The following SLC25A26 variants were observed in gnomAD, a reference collection of about 807,000 sequenced individuals.
SLC25A26 encodes solute carrier family 25 member 26.
In SLC25A26, 36 loss-of-function variants were observed where a neutral mutation model predicts 37.8. That is an observed-to-expected ratio of 0.95 (90% CI 0.73 to 1.26). SLC25A26 has a LOEUF of 1.26. Among genes scored for constraint, SLC25A26 ranks in the 50% most tolerant of loss-of-function variants. The pLI, the probability that SLC25A26 is intolerant of heterozygous loss-of-function variation, is 0.00. For missense variants in SLC25A26, 390 were observed against 331.1 expected (o/e 1.18, Z -1.38); for synonymous variants, 129 against 122.5 (o/e 1.05, Z -0.35).
intron 1 of SLC25A26, among the ~76,000 whole-genome samples, chr3:66,177,298 G>C (rs2070604529): frequency 6.6e-6 from 1 of 152,228 alleles, no homozygotes; most frequent in Non-Finnish European, 1.5e-5. Context: ...TATCATGTAA[G>C]TTTAAGCAAT....
chr3:66,143,569 A>G (rs1281947170), intron 1 of SLC25A26, among the ~76,000 whole-genome samples: 3 of 152,148 alleles, frequency 2.0e-5, no homozygotes, highest in Non-Finnish European at 2.9e-5. Context: ...TGCAAAATGC[A>G]AATGAGGTCC....
intron 5 of SLC25A26, among the ~76,000 whole-genome samples, chr3:66,311,316 T>A (rs1169445182): frequency 6.6e-6 from 1 of 152,122 alleles, no homozygotes; most frequent in East Asian, 1.9e-4. Context: ...CACGAAATTC[T>A]CGTGCTGTGT....
intron 5 of SLC25A26, among the ~76,000 whole-genome samples, chr3:66,303,289 C>T (rs2075126947): frequency 6.6e-6 from 1 of 152,200 alleles, no homozygotes; most frequent in Non-Finnish European, 1.5e-5. Flanking sequence ...TAGTCAAGCA[C>T]AACTGCAAGT....
At chr3:66,294,329 G>T (rs765961532) in intron 5 of SLC25A26, among the ~76,000 whole-genome samples, 1 of 152,006 alleles carries the variant, frequency 6.6e-6, no homozygotes, top group Non-Finnish European at 1.5e-5. Flanking sequence ...TTGGCTTGCC[G>T]GTGTATAGGA....
intron 5 of SLC25A26, among the ~76,000 whole-genome samples, chr3:66,295,750 G>A (rs2074881061): frequency 6.6e-6 from 1 of 151,464 alleles, no homozygotes; most frequent in South Asian, 2.1e-4. Context: ...CGCCTGCCTT[G>A]GCCTCCCAAA....
chr3:66,345,653 C>T (rs1451101422), intron 5 of SLC25A26, among the ~76,000 whole-genome samples: 1 of 151,956 alleles, frequency 6.6e-6, no homozygotes, highest in Non-Finnish European at 1.5e-5. Context: ...CTCCCCATTC[C>T]CCTAACACTT....
At chr3:66,306,708 C>T (rs1378344761) in intron 5 of SLC25A26, among the ~76,000 whole-genome samples, 3 of 152,144 alleles carry the variant, frequency 2.0e-5, no homozygotes, top group African/African-American at 7.2e-5. Context: ...TCCCTGGGTC[C>T]ATGTGTTCTC....
At position 66,373,100 on chromosome 3, in the gene SLC25A26, G is replaced by A. The variant is rs148252486; in HGVS notation, c.707+2498G>A. 4.2e-3 allele frequency among the ~76,000 whole-genome samples: 640 copies of A among 152,336 alleles called. 6 individuals are homozygous for A. Among genetic ancestry groups the A allele is most frequent in the African/African-American group, 0.015 (617 of 41,566 alleles). ...TCATTCAGCCCCGTAGCCAAAGGCA[G>A]ATGGGGAGCCTGCCCACCCCGGATG... On this transcript the variant is annotated intron_variant, in intron 9 of 9. Coordinates refer to ENST00000354883, the MANE Select transcript of SLC25A26 (RefSeq NM_001379210.1).
chr3:66,265,172 A>G (rs923961812), intron 5 of SLC25A26, among the ~76,000 whole-genome samples: 1 of 152,044 alleles, frequency 6.6e-6, no homozygotes, highest in Middle Eastern at 3.4e-3. Context: ...CTAGCTGGGC[A>G]TGGTGGTGCC....
At chr3:66,182,536 G>A (rs971606937) in intron 1 of SLC25A26, among the ~76,000 whole-genome samples, 12 of 152,262 alleles carry the variant, frequency 7.9e-5, no homozygotes, top group African/African-American at 2.6e-4. Flanking sequence ...CAGAAAAGAA[G>A]CAAGGCCTAA....
At chr3:66,284,002 C>T (rs1413103301) in intron 5 of SLC25A26, among the ~76,000 whole-genome samples, 2 of 152,158 alleles carry the variant, frequency 1.3e-5, no homozygotes, top group Admixed American at 6.5e-5. Flanking sequence ...TCTGTGTCTT[C>T]ACTTTTTTAT....
intron 9 of SLC25A26, among the ~76,000 whole-genome samples, chr3:66,374,008 G>A (rs1312052713): frequency 6.7e-6 from 1 of 150,026 alleles, no homozygotes; most frequent in East Asian, 1.9e-4. Flanking sequence ...TGTCATGGAG[G>A]CTTTTCCTGT....
intron 3 of SLC25A26, among the ~76,000 whole-genome samples, chr3:66,256,753 AG>A (rs895535653): frequency 2.0e-5 from 3 of 152,152 alleles, no homozygotes; most frequent in African/African-American, 7.2e-5. Context: ...AAAAATTAGC[AG>A]GGTGTGGTGG....
At chr3:66,295,297 C>T (rs2074859818) in intron 5 of SLC25A26, among the ~76,000 whole-genome samples, 2 of 152,090 alleles carry the variant, frequency 1.3e-5, no homozygotes, top group South Asian at 2.1e-4. Flanking sequence ...GATCTCAGCT[C>T]ACTGCAAGCT....
At chr3:66,212,367 C>T (rs1188590860) in intron 1 of SLC25A26, among the ~76,000 whole-genome samples, 2 of 152,050 alleles carry the variant, frequency 1.3e-5, no homozygotes, top group Non-Finnish European at 1.5e-5. Context: ...CCTCCCATCT[C>T]GGCCTCCCAA....
At chr3:66,189,654 C>CTTTCT (rs1168817764) in intron 1 of SLC25A26, among the ~76,000 whole-genome samples, 2 of 152,062 alleles carry the variant, frequency 1.3e-5, no homozygotes, top group Admixed American at 6.6e-5. Flanking sequence ...GTACTGTGTG[C>CTTTCT]TTTCTTTTCT....
intron 5 of SLC25A26, among the ~76,000 whole-genome samples, chr3:66,280,439 A>G (rs1389009472): frequency 6.6e-6 from 1 of 152,178 alleles, no homozygotes; most frequent in Non-Finnish European, 1.5e-5. Flanking sequence ...TACCTTGTAA[A>G]CCATTTTATA....
intron 6 of SLC25A26, among the ~76,000 whole-genome samples, chr3:66,350,958 A>G (rs776089037): frequency 5.9e-5 from 9 of 152,058 alleles, no homozygotes; most frequent in Non-Finnish European, 8.8e-5. Context: ...TGTCTGTGTC[A>G]CTGACTCGTA....
intron 1 of SLC25A26, among the ~76,000 whole-genome samples, chr3:66,184,921 A>G (rs1183876705): frequency 6.6e-6 from 1 of 152,200 alleles, no homozygotes; most frequent in Non-Finnish European, 1.5e-5. Flanking sequence ...CACACTGATC[A>G]TCAAACTGAC....
Sources: gnomAD v4.1 joint callset for allele counts (sites outside exome capture counted in the v4.1 genomes callset) on GRCh38, gnomAD v4.1.1 for gene constraint, MANE v1.5 for transcripts, NCBI Gene and HGNC (gene_info 2026-07-23, HGNC 2026-07-21) for gene names.